NDC1: variants seen among roughly 807,000 people sequenced by gnomAD.
NDC1 encodes the protein nucleoporin NDC1.
Under a neutral mutation model 89.8 loss-of-function variants are expected in NDC1, and 24 were observed. The ratio of observed to expected loss-of-function variants is 0.27; its 90% CI spans 0.19 to 0.38. NDC1 has a LOEUF of 0.38. NDC1 is among the 10% of genes least tolerant of loss of function. NDC1 has a pLI of 1.00. For missense variants in NDC1, 728 were observed against 797.6 expected (o/e 0.91, Z 1.05); for synonymous variants, 296 against 284.8 (o/e 1.04, Z -0.39).
chr1:53,831,139 G>A (rs1001014438), intron 3 of NDC1, among the ~76,000 whole-genome samples: 13 of 148,802 alleles, frequency 8.7e-5, no homozygotes, highest in African/African-American at 2.2e-4. Context: ...GCGGGAGAAC[G>A]GCGTGAACCT....
chr1:53,838,076 G>T, intron 1 of NDC1, 129 bp downstream of exon 1: 1 of 811,196 alleles, frequency 1.2e-6, no homozygotes, highest in Non-Finnish European at 1.9e-6. Flanking sequence ...CCCAAGTGGT[G>T]CCTTCCCCAC....
rs778740224 is a variant in NDC1 at position 53,825,845 on chromosome 1, G to A, written c.547C>T (p.Leu183=). 8.1e-6 allele frequency: 13 copies of A among 1,605,488 alleles called. No homozygotes were observed. Among genetic ancestry groups the A allele is most frequent in the Non-Finnish European group, 1.1e-5 (13 of 1,176,778 alleles). The part of the protein sequence containing the change: ...GAFMGYSYSL[L]YFVNNMNYLP... The stretch of plus-strand genomic sequence containing the variant: ...TAGTTCATGTTGTTAACAAAATACA[G>A]GAGGCTATAGCTATAGCCCATAAAT... The change falls in exon 5 of 18, where the codon CTG becomes TTG. Residue 183 remains leucine (L), a synonymous_variant. Coordinates refer to ENST00000371429, the MANE Select transcript of NDC1 (RefSeq NM_018087.5).
chr1:53,813,628 A>G (rs1189406902), intron 6 of NDC1, among the ~76,000 whole-genome samples: 1 of 152,196 alleles, frequency 6.6e-6, no homozygotes, highest in Non-Finnish European at 1.5e-5. Flanking sequence ...CCAAATTTAT[A>G]AAACAATTAC....
chr1:53,807,873 AC>A, intron 7 of NDC1, 82 bp from the exon 8 acceptor site: 2 of 1,255,722 alleles, frequency 1.6e-6, no homozygotes, highest in Non-Finnish European at 2.2e-6. Flanking sequence ...ACATTGAGAC[AC>A]AAATATTATG....
intron 1 of NDC1, among the ~76,000 whole-genome samples, chr1:53,837,927 A>G (rs918081754): frequency 6.6e-6 from 1 of 152,216 alleles, no homozygotes; most frequent in African/African-American, 2.4e-5. Context: ...ACCCTTGCGT[A>G]AAACTCCGCC....
At chr1:53,790,506 A>T (rs1228710124) in intron 14 of NDC1, among the ~76,000 whole-genome samples, 2 of 152,126 alleles carry the variant, frequency 1.3e-5, no homozygotes, top group Non-Finnish European at 2.9e-5. Flanking sequence ...CAGGAGTTTG[A>T]GACCAGCCTG....
In NDC1 at chr1:53,794,907, CT is replaced by C. The variant is rs748591043; in HGVS notation, c.1585-1629del. 2.6e-5 allele frequency among the ~76,000 whole-genome samples: 4 copies of C among 152,140 alleles called. No individual in the cohort carries two copies. The East Asian group carries it at 5.8e-4, about 22-fold the overall frequency. On this transcript the variant is annotated intron_variant, in intron 13 of 17. Transcript: ENST00000371429. Reference sequence around the variant, plus strand: ...AATTTTTAAAAAAGTTCCTTGACCCCTCAATTCCTCCCAGCTATTGCCCCAT... The same window carrying C: ...AATTTTTAAAAAAGTTCCTTGACCCCCAATTCCTCCCAGCTATTGCCCCAT...
rs1231246444 is a variant in NDC1, at chr1:53,832,720, T to G, written c.179-129A>C. ...TAAAGGTTATCTTTTCTTCAAGAAT[T>G]TAATTGTACACCACTGACAGGTTCA... On this transcript the variant is annotated intron_variant, in intron 2 of 17. Transcript: ENST00000371429. 1.2e-5 allele frequency: 7 copies of G among 584,272 alleles called. No individual in the cohort carries two copies. In the Admixed American group the frequency reaches 2.2e-4, roughly 19 times the overall value. 36.2% of individuals were successfully genotyped at this position (584,272 alleles called of 1,614,324 possible). A position where few individuals can be genotyped will look rare whatever the true frequency, so the allele number is the denominator to read the frequency against.
chr1:53,772,960 C>T (rs925440506), intron 16 of NDC1, among the ~76,000 whole-genome samples: 2 of 152,040 alleles, frequency 1.3e-5, no homozygotes, highest in African/African-American at 4.8e-5. Context: ...CAGGCCCCCC[C>T]CAAAATCCAG....
intron 6 of NDC1, among the ~76,000 whole-genome samples, chr1:53,818,688 T>C (rs563325488): frequency 6.6e-6 from 1 of 152,374 alleles, no homozygotes; most frequent in Non-Finnish European, 1.5e-5. Context: ...GACTGGCTTA[T>C]TTCACTTAGC....
intron 3 of NDC1, among the ~76,000 whole-genome samples, chr1:53,830,056 C>T (rs948239938): frequency 1.3e-5 from 2 of 151,956 alleles, no homozygotes; most frequent in African/African-American, 4.8e-5. Flanking sequence ...GAGGTTGAGG[C>T]AGGAGAATCA....
chr1:53,787,034 G>T, intron 16 of NDC1, 124 bp downstream of exon 16: 1 of 595,068 alleles, frequency 1.7e-6, no homozygotes, highest in Non-Finnish European at 3.0e-6. Flanking sequence ...GGGTGAAAAA[G>T]TATCATTATT....
chr1:53,831,092 G>A (rs1649051492), intron 3 of NDC1, among the ~76,000 whole-genome samples: 1 of 151,834 alleles, frequency 6.6e-6, no homozygotes, highest in Non-Finnish European at 1.5e-5. Context: ...AGGCATGGTG[G>A]CGGGTGCCTG....
Position 53,832,512 on chromosome 1 carries a change from A to G in NDC1, c.258T>C (p.Ile86=), listed in dbSNP as rs1302011240. 7 of 1,585,634 alleles carry G rather than the reference A, an allele frequency of 4.4e-6. No individual in the cohort carries two copies. The highest frequency in any genetic ancestry group is 6.1e-6 in the Non-Finnish European group (7 of 1,154,436). Residue 86 remains isoleucine (I), a synonymous_variant, in exon 3 of 18, where the codon ATT becomes ATC. Transcript: ENST00000371429. The part of the protein sequence containing the change: ...LLSVVIIIIS[I]FNVEFYAVVP... Reference sequence around the variant, plus strand: ...CACCTGCATAGAACTCCACATTGAAAATACTTATTATTATTATTACCACTG... The same window carrying G: ...CACCTGCATAGAACTCCACATTGAAGATACTTATTATTATTATTACCACTG...
At chr1:53,807,274 A>T (rs1402563692) in intron 8 of NDC1, among the ~76,000 whole-genome samples, 1 of 133,612 alleles carries the variant, frequency 7.5e-6, no homozygotes, top group African/African-American at 2.8e-5. Context: ...AAAAAAAAAA[A>T]TTCTTACTGC....
intron 14 of NDC1, among the ~76,000 whole-genome samples, chr1:53,792,141 A>G (rs1435802613): frequency 1.3e-5 from 2 of 152,016 alleles, no homozygotes; most frequent in East Asian, 1.9e-4. Flanking sequence ...ACAGGGTTTC[A>G]CCGTGTTAGC....
chr1:53,796,060 C>A (rs1647686459), intron 13 of NDC1, among the ~76,000 whole-genome samples: 1 of 152,228 alleles, frequency 6.6e-6, no homozygotes, highest in Admixed American at 6.5e-5. Context: ...GCTCCCAGCT[C>A]TCCCTTCAGG....
intron 17 of NDC1, 95 bp downstream of exon 17, chr1:53,772,234 C>A: frequency 9.4e-7 from 1 of 1,069,120 alleles, no homozygotes; most frequent in Non-Finnish European, 1.4e-6. Context: ...CCCAAAAGAA[C>A]ACTTTCAACA....
At chr1:53,819,860 C>T (rs1648605870) in intron 5 of NDC1, among the ~76,000 whole-genome samples, 1 of 151,974 alleles carries the variant, frequency 6.6e-6, no homozygotes, top group African/African-American at 2.4e-5. Context: ...GACAGGGGTG[C>T]CTTATCTTTT....
Sources: gnomAD v4.1 joint callset for allele counts (sites outside exome capture counted in the v4.1 genomes callset) on GRCh38, gnomAD v4.1.1 for gene constraint, MANE v1.5 for transcripts, NCBI Gene and HGNC (gene_info 2026-07-23, HGNC 2026-07-21) for gene names.